The following SPOCK1 variants were observed in gnomAD, a reference collection of about 807,000 sequenced individuals.
The protein encoded by SPOCK1 is testican-1.
A neutral mutation model predicts 55.3 loss-of-function variants in SPOCK1; 23 were observed. The ratio of observed to expected loss-of-function variants is 0.42; its 90% CI spans 0.30 to 0.59. The LOEUF (loss-of-function observed/expected upper bound fraction) is 0.59, where lower values mean the gene tolerates loss of function less well. Among genes scored for constraint, SPOCK1 ranks in the 20% least tolerant of loss-of-function variants. The probability of loss-of-function intolerance (pLI) is 0.22; values close to 1 mark genes in which losing one functional copy is unlikely to be tolerated. For missense variants in SPOCK1, 499 were observed against 552.5 expected (o/e 0.90, Z 0.97); for synonymous variants, 226 against 221.0 (o/e 1.02, Z -0.20).
chr5:137,408,265 G>A (rs1752141103), intron 2 of SPOCK1, among the ~76,000 whole-genome samples: 1 of 152,180 alleles, frequency 6.6e-6, no homozygotes, highest in African/African-American at 2.4e-5. Context: ...GAAGAGGCTA[G>A]GTGTCCCTCA....
chr5:137,313,780 G>A (rs1757827464), intron 2 of SPOCK1, among the ~76,000 whole-genome samples: 1 of 150,944 alleles, frequency 6.6e-6, no homozygotes, highest in South Asian at 2.2e-4. Context: ...ATTCATGCAT[G>A]ACAGGAAAAG....
At chr5:137,229,770 T>C (rs1441970539) in intron 3 of SPOCK1, among the ~76,000 whole-genome samples, 1 of 152,138 alleles carries the variant, frequency 6.6e-6, no homozygotes, top group Non-Finnish European at 1.5e-5. Flanking sequence ...GATGAAACTG[T>C]TCCACCTCAA....
intron 5 of SPOCK1, among the ~76,000 whole-genome samples, chr5:137,071,587 T>G (rs1395831106): frequency 6.6e-6 from 1 of 152,204 alleles, no homozygotes; most frequent in Non-Finnish European, 1.5e-5. Flanking sequence ...TCAAAGACTT[T>G]ATGATAAAAT....
chr5:137,188,237 G>A (rs751841446), intron 3 of SPOCK1, among the ~76,000 whole-genome samples: 6 of 152,182 alleles, frequency 3.9e-5, no homozygotes, highest in Admixed American at 2.0e-4. Flanking sequence ...CCAGCCACAC[G>A]TGGCCACCAC....
At chr5:137,016,834 G>A (rs1038523243) in intron 6 of SPOCK1, among the ~76,000 whole-genome samples, 9 of 152,236 alleles carry the variant, frequency 5.9e-5, no homozygotes, top group Admixed American at 2.6e-4. Flanking sequence ...ATGGCCTCAC[G>A]TTCACAATGC....
chr5:137,005,553 G>A (rs1269691728), intron 6 of SPOCK1, among the ~76,000 whole-genome samples: 1 of 152,078 alleles, frequency 6.6e-6, no homozygotes, highest in African/African-American at 2.4e-5. Context: ...AAGAACTCAG[G>A]GGAGAGATAA....
At chr5:137,267,123 C>A (rs1444135440) in intron 2 of SPOCK1, 68 bp from the exon 3 acceptor site, 3 of 1,359,900 alleles carry the variant, frequency 2.2e-6, no homozygotes, top group Non-Finnish European at 3.1e-6. Context: ...TGCATAAAAA[C>A]CTGCCTTCCT....
At chr5:137,422,821 CT>C (rs1199807085) in intron 2 of SPOCK1, among the ~76,000 whole-genome samples, 1 of 152,230 alleles carries the variant, frequency 6.6e-6, no homozygotes, top group East Asian at 1.9e-4. Context: ...TGTTCTGTTG[CT>C]GGTGAGGAGC....
chr5:137,206,071 G>T (rs990062703), intron 3 of SPOCK1, among the ~76,000 whole-genome samples: 3 of 152,158 alleles, frequency 2.0e-5, no homozygotes, highest in African/African-American at 7.2e-5. Flanking sequence ...GCAGCACAAC[G>T]ACTCAAAAGC....
At chr5:137,123,485 G>A (rs1195387806) in intron 4 of SPOCK1, among the ~76,000 whole-genome samples, 1 of 152,158 alleles carries the variant, frequency 6.6e-6, no homozygotes, top group African/African-American at 2.4e-5. Flanking sequence ...AATACAGTTG[G>A]TACTCAACTG....
chr5:137,122,001 A>C (rs528256272), intron 4 of SPOCK1, among the ~76,000 whole-genome samples: 2 of 150,924 alleles, frequency 1.3e-5, no homozygotes, highest in Non-Finnish European at 2.9e-5. Context: ...TACTTCCAGC[A>C]TTAAACTCAC....
intron 2 of SPOCK1, among the ~76,000 whole-genome samples, chr5:137,495,292 G>GT (rs1754275423): frequency 6.6e-6 from 1 of 152,138 alleles, no homozygotes; most frequent in South Asian, 2.1e-4. Context: ...GGTCACCTCT[G>GT]GCAATGTCAC....
chr5:137,374,066 G>A (rs1049507839), intron 2 of SPOCK1, among the ~76,000 whole-genome samples: 1 of 152,258 alleles, frequency 6.6e-6, no homozygotes, highest in Non-Finnish European at 1.5e-5. Flanking sequence ...TCATAGGACT[G>A]TCGGGAAGAT....
At chr5:137,455,771 G>A (rs148779736) in intron 2 of SPOCK1, among the ~76,000 whole-genome samples, 1 of 152,210 alleles carries the variant, frequency 6.6e-6, no homozygotes, top group Non-Finnish European at 1.5e-5. Context: ...GCTCACACCT[G>A]TAATCCCAGC....
chr5:137,434,402 T>C (rs552136679), intron 2 of SPOCK1, among the ~76,000 whole-genome samples: 1 of 150,986 alleles, frequency 6.6e-6, no homozygotes, highest in African/African-American at 2.4e-5. Flanking sequence ...ACTCAAACTA[T>C]ATTAGATCTC....
chr5:137,457,187 T>C (rs975676288), intron 2 of SPOCK1, among the ~76,000 whole-genome samples: 2 of 152,160 alleles, frequency 1.3e-5, no homozygotes. Context: ...AACCCACACA[T>C]ACACAGATAC....
rs766377844 is a variant in SPOCK1, at chr5:136,978,744, C to T, written c.1230G>A (p.Glu410=). The T allele has an allele frequency of 9.3e-6, 15 of 1,614,024 alleles. No homozygotes were observed. The highest frequency in any genetic ancestry group is 1.6e-4 in the Middle Eastern group (1 of 6,084). Residue 410 remains glutamate, a synonymous_variant, in exon 11 of 11, where the codon GAG becomes GAA. Transcript: ENST00000394945. The stretch of plus-strand genomic sequence containing the variant: ...CTCGGGTGTGCACCCTCAGCTTCCC[C>T]TCTTTGTCCTTTGGTCCCAGCTCCC... ...YERELGPKDK[E]GKLRVHTRAV... is the part of the protein sequence containing the mutation.
chr5:137,380,190 A>G lies in SPOCK1; in HGVS notation c.187-113135T>C, dbSNP rs918409130. Among the ~76,000 whole-genome samples the G allele has an allele frequency of 2.0e-5, 3 of 152,230 alleles. No individual in the cohort carries two copies. In the South Asian group the frequency reaches 6.2e-4, roughly 32 times the overall value. ...CACCAAAAGGACTCACTAAGGGCACAGGCAGGAGTAGAGATGGTGGCGGCC... is the reference window on the plus strand; with the variant it reads ...CACCAAAAGGACTCACTAAGGGCACGGGCAGGAGTAGAGATGGTGGCGGCC... On this transcript the variant is annotated intron_variant, in intron 2 of 10. Coordinates refer to ENST00000394945, the MANE Select transcript of SPOCK1 (RefSeq NM_004598.4).
At position 136,977,121 on chromosome 5, in the gene SPOCK1, A is replaced by G. The variant is rs1750632245; in HGVS notation, c.*1533T>C. 6.6e-6 allele frequency: 1 copy of G among 152,170 alleles called. No homozygotes were observed. The highest frequency in any genetic ancestry group is 6.5e-5 in the Admixed American group (1 of 15,284). The allele number at this position is 152,170 out of a possible 1,614,324, so 9.4% of individuals were successfully genotyped here. ...TAAATGAAAATCAGTGGCGGACAGT[A>G]GCTTATAGACTGGTACTGAAGGAAA... On this transcript the variant is annotated 3_prime_UTR_variant, in exon 11 of 11. Coordinates refer to ENST00000394945, the MANE Select transcript of SPOCK1 (RefSeq NM_004598.4).
Sources: allele counts gnomAD v4.1 joint callset (sites outside exome capture counted in the v4.1 genomes callset), GRCh38; gene constraint gnomAD v4.1.1; transcripts MANE v1.5; gene names NCBI Gene and HGNC (gene_info 2026-07-23, HGNC 2026-07-21).